EYS: variants seen among roughly 807,000 people sequenced by gnomAD.
EYS encodes protein eyes shut homolog.
Under a neutral mutation model 282.1 loss-of-function variants are expected in EYS, and 250 were observed. The ratio of observed to expected loss-of-function variants is 0.89; its 90% CI spans 0.80 to 0.98. The LOEUF (loss-of-function observed/expected upper bound fraction) is 0.98, where lower values mean the gene tolerates loss of function less well. Among genes scored for constraint, EYS ranks in the 50% least tolerant of loss-of-function variants. EYS has a pLI of 0.00. For synonymous variants in EYS, 1,355 were observed against 1,282.9 expected, an observed-to-expected ratio of 1.06 and a Z score of -1.20; for missense variants, 4,016 against 3,709.0, an observed-to-expected ratio of 1.08 and a Z score of -2.15.
intron 12 of EYS, among the ~76,000 whole-genome samples, chr6:65,232,269 TTAC>T (rs1320340192): frequency 6.6e-6 from 1 of 151,978 alleles, no homozygotes; most frequent in Non-Finnish European, 1.5e-5. Context: ...ATATAAATCC[TTAC>T]TACATGACTA....
intron 33 of EYS, among the ~76,000 whole-genome samples, chr6:64,042,586 T>C (rs897651248): frequency 2.0e-5 from 3 of 152,172 alleles, no homozygotes; most frequent in Non-Finnish European, 4.4e-5. Context: ...TCTTTGTCCA[T>C]TTTGTGCACA....
At chr6:65,008,837 G>A (rs574847445) in intron 13 of EYS, among the ~76,000 whole-genome samples, 5 of 152,208 alleles carry the variant, frequency 3.3e-5, no homozygotes, top group South Asian at 4.1e-4. Context: ...CCTGGACACC[G>A]GTGCGGCCTT....
chr6:65,121,697 G>T (rs1775556030), intron 12 of EYS, among the ~76,000 whole-genome samples: 1 of 152,070 alleles, frequency 6.6e-6, no homozygotes, highest in Non-Finnish European at 1.5e-5. Flanking sequence ...ATGTTTCTTA[G>T]AACATTTTCT....
chr6:64,824,366 A>G (rs1415236613), intron 19 of EYS, among the ~76,000 whole-genome samples: 1 of 152,018 alleles, frequency 6.6e-6, no homozygotes, highest in Non-Finnish European at 1.5e-5. Flanking sequence ...TCACTTGTAA[A>G]TGAGTGTTAC....
intron 18 of EYS, among the ~76,000 whole-genome samples, chr6:64,896,650 T>TA (rs1431921773): frequency 6.6e-6 from 1 of 151,978 alleles, no homozygotes; most frequent in East Asian, 1.9e-4. Flanking sequence ...CCAAGTGGTC[T>TA]TGCTCAGCAG....
chr6:63,874,438 A>G (rs1772907995), intron 35 of EYS, among the ~76,000 whole-genome samples: 1 of 152,174 alleles, frequency 6.6e-6, no homozygotes, highest in Non-Finnish European at 1.5e-5. Flanking sequence ...TGATGCCAAC[A>G]GCTTTGTTCT....
intron 2 of EYS, among the ~76,000 whole-genome samples, chr6:65,582,260 A>G (rs1310194884): frequency 6.6e-6 from 1 of 152,040 alleles, no homozygotes; most frequent in Non-Finnish European, 1.5e-5. Context: ...TTGATCTTTT[A>G]CCAGTGTTTT....
At chr6:64,457,665 G>C (rs1056253066) in intron 26 of EYS, among the ~76,000 whole-genome samples, 3 of 151,924 alleles carry the variant, frequency 2.0e-5, no homozygotes, top group African/African-American at 7.2e-5. Context: ...TCCGAAATAT[G>C]GATAGCTACT....
intron 1 of EYS, among the ~76,000 whole-genome samples, chr6:65,703,237 A>T (rs1297787888): frequency 6.6e-6 from 1 of 152,144 alleles, no homozygotes; most frequent in Non-Finnish European, 1.5e-5. Context: ...CTCTCTATAT[A>T]TATGTATTGT....
At chr6:65,392,055 A>G (rs964163822) in intron 7 of EYS, among the ~76,000 whole-genome samples, 4 of 152,148 alleles carry the variant, frequency 2.6e-5, no homozygotes, top group Admixed American at 2.0e-4. Flanking sequence ...AACCTGAGAG[A>G]AACAAGCAAT....
intron 19 of EYS, among the ~76,000 whole-genome samples, chr6:64,868,663 C>T (rs1232225017): frequency 6.6e-6 from 1 of 151,336 alleles, no homozygotes; most frequent in Non-Finnish European, 1.5e-5. Context: ...AGAAGGTCTC[C>T]ATATGGAAGG....
chr6:65,459,754 AT>A (rs938654719), intron 5 of EYS, among the ~76,000 whole-genome samples: 6 of 151,104 alleles, frequency 4.0e-5, no homozygotes, highest in African/African-American at 1.4e-4. Context: ...AGAGACAAAT[AT>A]TTTTTAGCCC....
At chr6:63,874,329 G>A (rs533144010) in intron 35 of EYS, among the ~76,000 whole-genome samples, 6 of 152,054 alleles carry the variant, frequency 3.9e-5, no homozygotes, top group African/African-American at 1.4e-4. Context: ...ATTTCTGAGG[G>A]CTCTGTTCTG....
intron 12 of EYS, among the ~76,000 whole-genome samples, chr6:65,262,984 T>C (rs1767657882): frequency 6.6e-6 from 1 of 152,126 alleles, no homozygotes; most frequent in South Asian, 2.1e-4. Flanking sequence ...AAATGGTTAT[T>C]AATGTAAACA....
chr6:64,780,752 C>A (rs1773834468), intron 22 of EYS, among the ~76,000 whole-genome samples: 1 of 152,008 alleles, frequency 6.6e-6, no homozygotes, highest in African/African-American at 2.4e-5. Context: ...AAGTGAAGAC[C>A]ATGAAATTTA....
chr6:65,605,484 T>A (rs1469702293), intron 2 of EYS, among the ~76,000 whole-genome samples: 1 of 151,940 alleles, frequency 6.6e-6, no homozygotes, highest in Non-Finnish European at 1.5e-5. Context: ...TTAGAAATAC[T>A]CCTTTTGAAT....
chr6:64,711,255 C>T (rs549559740), intron 22 of EYS, among the ~76,000 whole-genome samples: 9 of 152,200 alleles, frequency 5.9e-5, no homozygotes, highest in Middle Eastern at 3.4e-3. Flanking sequence ...AAAGTTAAAC[C>T]TAGAAATGCT....
At chr6:64,888,109 C>CT (rs1767158144) in intron 18 of EYS, among the ~76,000 whole-genome samples, 1 of 151,776 alleles carries the variant, frequency 6.6e-6, no homozygotes, top group African/African-American at 2.4e-5. Flanking sequence ...TCATTCATCT[C>CT]TTAAGTAAAG....
chr6:63,769,321 C>T (rs1168135966), intron 40 of EYS, among the ~76,000 whole-genome samples: 1 of 151,548 alleles, frequency 6.6e-6, no homozygotes, highest in East Asian at 1.9e-4. Context: ...GGACATGGCT[C>T]ATAAATTTGA....
Sources: gnomAD v4.1 joint callset for allele counts (sites outside exome capture counted in the v4.1 genomes callset) on GRCh38, gnomAD v4.1.1 for gene constraint, MANE v1.5 for transcripts, NCBI Gene and HGNC (gene_info 2026-07-23, HGNC 2026-07-21) for gene names.